RBFOX1: variants seen among roughly 807,000 people sequenced by gnomAD.
RBFOX1 encodes the protein RNA binding protein fox-1 homolog 1.
RBFOX1 carries 8 observed loss-of-function variants against 57.7 expected under a neutral mutation model. The ratio of observed to expected loss-of-function variants is 0.14; its 90% CI spans 0.08 to 0.25. RBFOX1 has a LOEUF of 0.25. Ranked by LOEUF, RBFOX1 falls within the 10% of genes least tolerant of loss-of-function variation. The pLI is 1.00. For synonymous variants in RBFOX1, 326 were observed against 222.4 expected (o/e 1.47, Z -4.15); for missense variants, 611 against 548.5 (o/e 1.11, Z -1.14).
chr16:7,105,474 C>T (rs1031410658), intron 4 of RBFOX1, among the ~76,000 whole-genome samples: 1 of 152,124 alleles, frequency 6.6e-6, no homozygotes, highest in Non-Finnish European at 1.5e-5. Flanking sequence ...TTATCCCTTA[C>T]TGCACTTCCA....
At chr16:7,195,293 G>A (rs1416498294) in intron 4 of RBFOX1, among the ~76,000 whole-genome samples, 1 of 152,140 alleles carries the variant, frequency 6.6e-6, no homozygotes, top group East Asian at 1.9e-4. Context: ...ACACAGGCTT[G>A]CAAAATAAGG....
In RBFOX1 at chr16:6,104,475, C is replaced by T. The variant is rs148135614; in HGVS notation, c.-127+84483C>T. On this transcript the variant is annotated intron_variant, in intron 1 of 15. Transcript: ENST00000550418. ...ATAAAATCCACCTTTTTCAATTTTACAATTCAATTATCTTTAGAAAATTTA... is the reference window on the plus strand; with the variant it reads ...ATAAAATCCACCTTTTTCAATTTTATAATTCAATTATCTTTAGAAAATTTA... Among the ~76,000 whole-genome samples the T allele has an allele frequency of 6.2e-4, 94 of 152,188 alleles. 1 individual carries two copies. In the East Asian group the frequency reaches 0.016, roughly 26 times the overall value.
chr16:7,052,345 T>G (rs2050379369), intron 4 of RBFOX1, among the ~76,000 whole-genome samples: 1 of 152,214 alleles, frequency 6.6e-6, no homozygotes, highest in Admixed American at 6.5e-5. Context: ...ATACTTTTCT[T>G]CTGGAATTTG....
At chr16:6,573,044 T>TA (rs1198230963) in intron 2 of RBFOX1, among the ~76,000 whole-genome samples, 1 of 152,168 alleles carries the variant, frequency 6.6e-6, no homozygotes, top group East Asian at 1.9e-4. Context: ...TCAATTCTCC[T>TA]ACAGACTCAG....
At chr16:5,568,593 CTCTG>C (rs1447666200) in intron 2 of RBFOX1, among the ~76,000 whole-genome samples, 1 of 152,172 alleles carries the variant, frequency 6.6e-6, no homozygotes, top group Non-Finnish European at 1.5e-5. Context: ...ACACTCATCA[CTCTG>C]TCTTCTGTTG....
chr16:5,385,800 A>C (rs1251330140), intron 1 of RBFOX1, among the ~76,000 whole-genome samples: 1 of 152,194 alleles, frequency 6.6e-6, no homozygotes, highest in African/African-American at 2.4e-5. Flanking sequence ...TCTGTTTTCC[A>C]TGAATCCCTC....
intron 4 of RBFOX1, among the ~76,000 whole-genome samples, chr16:5,972,457 T>C (rs2152300689): frequency 6.6e-6 from 1 of 152,308 alleles, no homozygotes; most frequent in Non-Finnish European, 1.5e-5. Context: ...GAGTCCATCA[T>C]TCACTCCATC....
chr16:7,471,295 T>C lies in RBFOX1; in HGVS notation c.28-46852T>C, dbSNP rs961949063. Among the ~76,000 whole-genome samples the C allele has an allele frequency of 7.9e-5, 12 of 152,186 alleles. No individual in the cohort carries two copies. The East Asian group carries it at 2.3e-3, about 29-fold the overall frequency. On this transcript the variant is annotated intron_variant, in intron 4 of 15. Transcript: ENST00000550418. ...TAGGCTATTTCCAACAGAACTGCAA[T>C]CTCTTTAAAATACCTTGTGAGTATA...
At chr16:7,498,243 GT>G (rs1464090547) in intron 4 of RBFOX1, among the ~76,000 whole-genome samples, 2 of 152,110 alleles carry the variant, frequency 1.3e-5, no homozygotes, top group African/African-American at 4.8e-5. Context: ...TTCACGTTTG[GT>G]GCCAAGGTGG....
intron 4 of RBFOX1, among the ~76,000 whole-genome samples, chr16:7,496,648 C>G (rs1245902032): frequency 6.8e-6 from 1 of 147,304 alleles, no homozygotes; most frequent in Non-Finnish European, 1.5e-5. Flanking sequence ...CCTCAGTTTA[C>G]TTGAATGTAT....
intron 3 of RBFOX1, among the ~76,000 whole-genome samples, chr16:6,666,418 C>G (rs527316936): frequency 6.6e-6 from 1 of 151,852 alleles, no homozygotes; most frequent in South Asian, 2.1e-4. Flanking sequence ...ACCTATAATC[C>G]TAGCCATGCT....
At chr16:6,686,192 A>C (rs1334759409) in intron 3 of RBFOX1, among the ~76,000 whole-genome samples, 1 of 152,188 alleles carries the variant, frequency 6.6e-6, no homozygotes, top group African/African-American at 2.4e-5. Flanking sequence ...GTAATCAGAC[A>C]GGTTTCCACG....
At chr16:5,411,885 A>G (rs2067030944) in intron 1 of RBFOX1, among the ~76,000 whole-genome samples, 2 of 152,210 alleles carry the variant, frequency 1.3e-5, no homozygotes, top group African/African-American at 4.8e-5. Context: ...CCTGTCTCAA[A>G]GGAAAAAAAG....
intron 10 of RBFOX1, among the ~76,000 whole-genome samples, chr16:7,623,530 C>T (rs1025737654): frequency 2.0e-5 from 3 of 152,104 alleles, no homozygotes; most frequent in Non-Finnish European, 4.4e-5. Context: ...AAATCCAATG[C>T]TTCCACTTAT....
chr16:5,555,935 C>T (rs544028343), intron 2 of RBFOX1, among the ~76,000 whole-genome samples: 3 of 152,032 alleles, frequency 2.0e-5, no homozygotes, highest in Non-Finnish European at 2.9e-5. Flanking sequence ...ACGGGAGAAT[C>T]GCTTGAACCC....
intron 1 of RBFOX1, among the ~76,000 whole-genome samples, chr16:6,249,196 G>T (rs528597747): frequency 6.6e-6 from 1 of 152,164 alleles, no homozygotes; most frequent in African/African-American, 2.4e-5. Context: ...ACCAGCTATG[G>T]GACCAACACA....
intron 4 of RBFOX1, among the ~76,000 whole-genome samples, chr16:7,223,017 C>T (rs1442882337): frequency 1.3e-5 from 2 of 152,190 alleles, no homozygotes; most frequent in African/African-American, 2.4e-5. Context: ...GCTTCTCTTC[C>T]ATCTGGCCAC....
chr16:6,931,313 C>A (rs1231864947), intron 3 of RBFOX1, among the ~76,000 whole-genome samples: 1 of 127,966 alleles, frequency 7.8e-6, no homozygotes, highest in East Asian at 2.4e-4. Context: ...ATCTATCTAT[C>A]TATCTATCTA....
rs1335291163 is a variant in RBFOX1 at position 6,780,394 on chromosome 16, A to G, written c.-16+125744A>G. On this transcript the variant is annotated intron_variant, in intron 3 of 15. Transcript: ENST00000550418. ...ATAGATATATTTATACATATTATAT[A>G]TATTTTTATATATATTTATATATAT... 3.4e-5 allele frequency among the ~76,000 whole-genome samples: 3 copies of G among 87,532 alleles called. 1 individual carries two copies. The highest frequency in any genetic ancestry group is 4.1e-4 in the South Asian group (1 of 2,468). The allele number at this position is 87,532 out of a possible 152,430, so 57.4% of individuals were successfully genotyped here.
Sources: gnomAD v4.1 joint callset for allele counts (sites outside exome capture counted in the v4.1 genomes callset) on GRCh38, gnomAD v4.1.1 for gene constraint, MANE v1.5 for transcripts, NCBI Gene and HGNC (gene_info 2026-07-23, HGNC 2026-07-21) for gene names.